The following RANBP17 variants were observed in gnomAD, a reference collection of about 807,000 sequenced individuals.
The protein encoded by RANBP17 is RAN binding protein 17.
Under a neutral mutation model 141.2 loss-of-function variants are expected in RANBP17, and 158 were observed. The observed-to-expected ratio is 1.12, with a 90% CI of 0.98 to 1.28. The LOEUF (loss-of-function observed/expected upper bound fraction) is 1.28, where lower values mean the gene tolerates loss of function less well. Among genes scored for constraint, RANBP17 ranks in the 50% most tolerant of loss-of-function variants. RANBP17 has a pLI of 0.00. For synonymous variants in RANBP17, 430 were observed against 450.0 expected, an observed-to-expected ratio of 0.96 and a Z score of 0.56; for missense variants, 1,438 against 1,290.7, an observed-to-expected ratio of 1.11 and a Z score of -1.75.
At chr5:170,921,974 C>T (rs1276582449) in intron 11 of RANBP17, among the ~76,000 whole-genome samples, 1 of 152,106 alleles carries the variant, frequency 6.6e-6, no homozygotes, top group Non-Finnish European at 1.5e-5. Context: ...GTTTTATCTA[C>T]CTTTGGTCTT....
chr5:171,191,613 G>A lies in RANBP17; in HGVS notation c.2039-8057G>A, dbSNP rs371702294. Reference sequence around the variant, plus strand: ...GAGGCAGGAGAATGGCGTGAACCCCGGAGGCGGAGCTTGCAGTGAGCCGAG... The same window carrying A: ...GAGGCAGGAGAATGGCGTGAACCCCAGAGGCGGAGCTTGCAGTGAGCCGAG... On this transcript the variant is annotated intron_variant, in intron 18 of 27. Coordinates refer to ENST00000523189, the MANE Select transcript of RANBP17 (RefSeq NM_022897.5). 4.6e-5 allele frequency among the ~76,000 whole-genome samples: 7 copies of A among 152,016 alleles called. No homozygotes were observed. In the South Asian group the frequency reaches 6.2e-4, roughly 14 times the overall value.
chr5:171,236,690 G>A (rs1157185102), intron 22 of RANBP17, among the ~76,000 whole-genome samples: 1 of 152,030 alleles, frequency 6.6e-6, no homozygotes, highest in African/African-American at 2.4e-5. Flanking sequence ...CATTTATAGA[G>A]CACTGTGCCA....
chr5:171,061,084 C>G (rs1414396413), intron 14 of RANBP17, among the ~76,000 whole-genome samples: 1 of 152,028 alleles, frequency 6.6e-6, no homozygotes, highest in East Asian at 1.9e-4. Context: ...AGCGGTCTAT[C>G]AATTTTGTTG....
chr5:171,168,819 TCA>T (rs1232211797), intron 14 of RANBP17, among the ~76,000 whole-genome samples: 1 of 152,108 alleles, frequency 6.6e-6, no homozygotes, highest in Admixed American at 6.5e-5. Flanking sequence ...AATTTGAATC[TCA>T]GTCTTCCTTT....
At chr5:171,259,530 T>G (rs2128012702) in intron 24 of RANBP17, among the ~76,000 whole-genome samples, 1 of 152,294 alleles carries the variant, frequency 6.6e-6, no homozygotes, top group South Asian at 2.1e-4. Flanking sequence ...TGGAATACTG[T>G]TCAGCCATAA....
chr5:171,293,669 G>T (rs529304542), intron 25 of RANBP17, among the ~76,000 whole-genome samples: 4 of 152,302 alleles, frequency 2.6e-5, no homozygotes, highest in African/African-American at 9.6e-5. Flanking sequence ...GCTTTCAGAG[G>T]TAGAAGCTCT....
intron 15 of RANBP17, among the ~76,000 whole-genome samples, chr5:171,170,413 T>C (rs946300982): frequency 4.6e-5 from 7 of 152,142 alleles, no homozygotes; most frequent in Non-Finnish European, 8.8e-5. Flanking sequence ...TTTGTCAAGT[T>C]TCCATACAAC....
chr5:171,193,425 T>C (rs1356894133), intron 18 of RANBP17, among the ~76,000 whole-genome samples: 2 of 152,170 alleles, frequency 1.3e-5, no homozygotes, highest in Non-Finnish European at 1.5e-5. Flanking sequence ...CCAGGTTGTA[T>C]TTCAGATGAA....
intron 5 of RANBP17, among the ~76,000 whole-genome samples, chr5:170,899,866 C>T (rs112092523): frequency 1.4e-4 from 22 of 152,220 alleles, no homozygotes; most frequent in African/African-American, 4.3e-4. Flanking sequence ...GAGATAAAGC[C>T]GACTTGATCA....
intron 24 of RANBP17, among the ~76,000 whole-genome samples, chr5:171,253,613 A>T (rs1765710543): frequency 6.6e-6 from 1 of 152,224 alleles, no homozygotes; most frequent in African/African-American, 2.4e-5. Context: ...CCCAAGGGGA[A>T]AGACTGGCTT....
intron 13 of RANBP17, among the ~76,000 whole-genome samples, chr5:170,966,798 T>C (rs571219586): frequency 0.02 from 3,095 of 152,066 alleles, 93 homozygotes; most frequent in African/African-American, 0.068. Context: ...GAAAACCCCA[T>C]TGTCTCAGCC....
intron 14 of RANBP17, among the ~76,000 whole-genome samples, chr5:171,004,962 G>C (rs1008291685): frequency 6.6e-6 from 1 of 152,134 alleles, no homozygotes; most frequent in Non-Finnish European, 1.5e-5. Flanking sequence ...GCGGAGGCAA[G>C]TAGCTGTAAC....
At chr5:171,251,719 A>AC (rs1184492752) in intron 24 of RANBP17, 2 of 665,056 alleles carry the variant, frequency 3.0e-6, no homozygotes, top group Non-Finnish European at 5.3e-6. Flanking sequence ...CTCGGGGTCC[A>AC]CCCGCGGGCT....
intron 14 of RANBP17, among the ~76,000 whole-genome samples, chr5:171,121,117 A>G (rs960332822): frequency 2.0e-5 from 3 of 152,224 alleles, no homozygotes; most frequent in Admixed American, 2.0e-4. Context: ...TGTTAGGAGC[A>G]TATGTGTGCC....
intron 14 of RANBP17, among the ~76,000 whole-genome samples, chr5:170,974,810 G>A (rs920524459): frequency 3.3e-5 from 5 of 152,146 alleles, no homozygotes; most frequent in Admixed American, 1.3e-4. Flanking sequence ...CTGCACTTGG[G>A]CCTATGGAAC....
At chr5:170,942,458 A>G (rs1052875190) in intron 12 of RANBP17, among the ~76,000 whole-genome samples, 1 of 152,224 alleles carries the variant, frequency 6.6e-6, no homozygotes, top group African/African-American at 2.4e-5. Context: ...AGTGTCAGAG[A>G]TAAGATGTTT....
chr5:170,881,944 T>C (rs753835844), intron 3 of RANBP17, 48 bp downstream of exon 3: 8 of 1,298,136 alleles, frequency 6.2e-6, no homozygotes, highest in Middle Eastern at 1.9e-4. Context: ...TAAAAATCTT[T>C]TTCTTTTAAA....
chr5:170,968,413 G>A, intron 14 of RANBP17, 36 bp downstream of exon 14: 1 of 1,576,666 alleles, frequency 6.3e-7, no homozygotes, highest in Non-Finnish European at 8.7e-7. Context: ...ACATGTTATT[G>A]GGGATGAAGA....
chr5:171,211,027 C>T (rs1762851408), intron 20 of RANBP17, among the ~76,000 whole-genome samples: 1 of 143,700 alleles, frequency 7.0e-6, no homozygotes, highest in Non-Finnish European at 1.5e-5. Context: ...AAAGGCTATA[C>T]CTTTCTTAAC....
Sources: allele counts gnomAD v4.1 joint callset (sites outside exome capture counted in the v4.1 genomes callset), GRCh38; gene constraint gnomAD v4.1.1; transcripts MANE v1.5; gene names NCBI Gene and HGNC (gene_info 2026-07-23, HGNC 2026-07-21).